FAM91A1: variants seen among roughly 807,000 people sequenced by gnomAD.
FAM91A1 encodes the protein family with sequence similarity 91 member A1, also known as protein FAM91A1.
A neutral mutation model predicts 113.5 loss-of-function variants in FAM91A1; 41 were observed. The ratio of observed to expected loss-of-function variants is 0.36; its 90% CI spans 0.28 to 0.47. The LOEUF (loss-of-function observed/expected upper bound fraction) is 0.47. Among genes scored for constraint, FAM91A1 ranks in the 20% least tolerant of loss-of-function variants. FAM91A1 has a pLI of 1.00. For missense variants in FAM91A1, 696 were observed against 1,001.2 expected, an observed-to-expected ratio of 0.70 and a Z score of 4.11; for synonymous variants, 307 against 347.9, an observed-to-expected ratio of 0.88 and a Z score of 1.31.
At chr8:123,812,261 T>A (rs1815975395) in intron 23 of FAM91A1, 1 of 309,232 alleles carries the variant, frequency 3.2e-6, no homozygotes, top group South Asian at 1.6e-4. Flanking sequence ...AATGAACTTT[T>A]GCTTTTCCCA....
intron 4 of FAM91A1, among the ~76,000 whole-genome samples, chr8:123,777,756 C>A (rs1056037802): frequency 6.6e-6 from 1 of 152,154 alleles, no homozygotes; most frequent in Non-Finnish European, 1.5e-5. Flanking sequence ...AAGAAGCTTT[C>A]GCTGAGAATT....
intron 8 of FAM91A1, 21 bp downstream of exon 8, chr8:123,780,563 T>G (rs1272598490): frequency 6.3e-7 from 1 of 1,599,934 alleles, no homozygotes; most frequent in Admixed American, 1.7e-5. Context: ...GCTAACATTT[T>G]TCACTGTTTT....
chr8:123,791,260 C>G (rs1010523216), intron 15 of FAM91A1, among the ~76,000 whole-genome samples: 2 of 151,214 alleles, frequency 1.3e-5, no homozygotes. Flanking sequence ...AATGGAAGAG[C>G]CAGGAATGGA....
At chr8:123,786,718 C>A in intron 12 of FAM91A1, 108 bp downstream of exon 12, 1 of 862,928 alleles carries the variant, frequency 1.2e-6, no homozygotes, top group Non-Finnish European at 1.9e-6. Context: ...TTATTCAATA[C>A]GCAGTCTTTG....
intron 5 of FAM91A1, 53 bp from the exon 6 acceptor site, chr8:123,778,606 G>C: frequency 8.2e-7 from 1 of 1,220,938 alleles, no homozygotes; most frequent in Non-Finnish European, 1.2e-6. Flanking sequence ...ATTGATGAAA[G>C]AAGAAAGTGG....
rs562852091 is a variant in FAM91A1 at position 123,790,429 on chromosome 8, T to C, written c.1411+684T>C. Among the ~76,000 whole-genome samples, 247 of 152,318 alleles carry C rather than the reference T, an allele frequency of 1.6e-3. 1 individual carries two copies. The highest frequency in any genetic ancestry group is 2.8e-3 in the Non-Finnish European group (189 of 68,016). On this transcript the variant is annotated intron_variant, in intron 15 of 23. Coordinates refer to ENST00000334705, the MANE Select transcript of FAM91A1 (RefSeq NM_144963.4). Reference sequence around the variant, plus strand: ...TGTGTTTTTTAAAAGATGATTCCAGTGCTCAGCTAGGCTTGGGCACCCCTG... The same window carrying C: ...TGTGTTTTTTAAAAGATGATTCCAGCGCTCAGCTAGGCTTGGGCACCCCTG...
intron 14 of FAM91A1, among the ~76,000 whole-genome samples, chr8:123,789,308 C>T (rs147841057): frequency 6.1e-4 from 93 of 152,230 alleles, no homozygotes; most frequent in African/African-American, 2.0e-3. Context: ...GAGCAGAATA[C>T]GGGTTTTAGA....
At chr8:123,802,971 G>A (rs1183581020) in intron 18 of FAM91A1, among the ~76,000 whole-genome samples, 1 of 152,184 alleles carries the variant, frequency 6.6e-6, no homozygotes, top group East Asian at 1.9e-4. Context: ...GTAGAGTGAA[G>A]GAACAGTGGG....
intron 14 of FAM91A1, among the ~76,000 whole-genome samples, chr8:123,789,191 G>T (rs1165065438): frequency 6.6e-6 from 1 of 152,184 alleles, no homozygotes; most frequent in African/African-American, 2.4e-5. Context: ...GAACAGCTAT[G>T]TTGAATCACA....
intron 14 of FAM91A1, among the ~76,000 whole-genome samples, chr8:123,789,145 T>C (rs955906778): frequency 6.6e-6 from 1 of 152,194 alleles, no homozygotes; most frequent in African/African-American, 2.4e-5. Flanking sequence ...AGTAAATCTT[T>C]GTTGAGTGAA....
At chr8:123,797,144 T>C (rs1389428387) in intron 15 of FAM91A1, among the ~76,000 whole-genome samples, 8 of 152,050 alleles carry the variant, frequency 5.3e-5, no homozygotes, top group Admixed American at 1.3e-4. Flanking sequence ...GATGGGTGCT[T>C]CCAAATGAGT....
At chr8:123,795,287 C>A (rs1239060857) in intron 15 of FAM91A1, among the ~76,000 whole-genome samples, 1 of 152,024 alleles carries the variant, frequency 6.6e-6, no homozygotes, top group Non-Finnish European at 1.5e-5. Flanking sequence ...GTGTGTGTGT[C>A]CCCACCCAAA....
rs1816015167 is a variant in FAM91A1, at chr8:123,813,941, A to G, written c.*1237A>G. The stretch of plus-strand genomic sequence containing the variant: ...AAATGTTAGGAAGTTTGGGAATGTT[A>G]TAACCTAAACGTTTTTGCTGGTAAC... On this transcript the variant is annotated 3_prime_UTR_variant, in exon 24 of 24. Coordinates refer to ENST00000334705, the MANE Select transcript of FAM91A1 (RefSeq NM_144963.4). 4.4e-6 allele frequency: 1 copy of G among 228,010 alleles called. No individual in the cohort carries two copies. The highest frequency in any genetic ancestry group is 2.4e-5 in the African/African-American group (1 of 41,918). 14.1% of individuals were successfully genotyped at this position (228,010 alleles called of 1,614,324 possible).
At chr8:123,801,621 T>C (rs1301171913) in intron 18 of FAM91A1, among the ~76,000 whole-genome samples, 2 of 152,218 alleles carry the variant, frequency 1.3e-5, no homozygotes, top group Non-Finnish European at 2.9e-5. Context: ...AGTTTCAGTT[T>C]ATCGAATAGA....
At chr8:123,810,253 A>T in intron 22 of FAM91A1, 29 bp from the exon 23 acceptor site, 2 of 1,586,784 alleles carry the variant, frequency 1.3e-6, no homozygotes, top group Non-Finnish European at 1.7e-6. Flanking sequence ...TGTTTGTTTT[A>T]AACTGTTTCT....
At chr8:123,804,813 A>G (rs953741549) in intron 18 of FAM91A1, among the ~76,000 whole-genome samples, 2 of 152,194 alleles carry the variant, frequency 1.3e-5, no homozygotes, top group Non-Finnish European at 2.9e-5. Context: ...GGTTGTTTCC[A>G]ATTATATGTA....
At chr8:123,807,310 T>G (rs1815835176) in intron 20 of FAM91A1, among the ~76,000 whole-genome samples, 1 of 151,654 alleles carries the variant, frequency 6.6e-6, no homozygotes, top group African/African-American at 2.4e-5. Flanking sequence ...CCACAAACAT[T>G]TATGGAATAC....
chr8:123,797,273 A>G (rs1032611478), intron 15 of FAM91A1, among the ~76,000 whole-genome samples: 5 of 152,202 alleles, frequency 3.3e-5, no homozygotes, highest in African/African-American at 1.2e-4. Flanking sequence ...CTTCTATGAT[A>G]CAGACACTGC....
At chr8:123,787,614 A>G (rs906612396) in intron 13 of FAM91A1, 50 bp from the exon 14 acceptor site, 2 of 1,414,044 alleles carry the variant, frequency 1.4e-6, no homozygotes, top group Admixed American at 1.9e-5. Flanking sequence ...TAGTATGCTT[A>G]GCATAAAAAG....
Sources: gnomAD v4.1 joint callset for allele counts (sites outside exome capture counted in the v4.1 genomes callset) on GRCh38, gnomAD v4.1.1 for gene constraint, MANE v1.5 for transcripts, NCBI Gene and HGNC (gene_info 2026-07-23, HGNC 2026-07-21) for gene names.